The following FOXN3 variants were observed in gnomAD, a reference collection of about 807,000 sequenced individuals.
FOXN3 encodes forkhead box protein N3.
Under a neutral mutation model 38.4 loss-of-function variants are expected in FOXN3, and 7 were observed. That is an observed-to-expected ratio of 0.18 (90% CI 0.10 to 0.34). FOXN3 has a LOEUF of 0.34. Among genes scored for constraint, FOXN3 ranks in the 10% least tolerant of loss-of-function variants. FOXN3 has a pLI of 1.00. For synonymous variants in FOXN3, 230 were observed against 242.2 expected (o/e 0.95, Z 0.47); for missense variants, 456 against 613.4 (o/e 0.74, Z 2.71).
intron 4 of FOXN3, among the ~76,000 whole-genome samples, chr14:89,204,100 C>CT (rs1888314610): frequency 2.3e-5 from 3 of 129,368 alleles, no homozygotes; most frequent in African/African-American, 6.2e-5. Context: ...CACACACACA[C>CT]ACAACTACTA....
intron 3 of FOXN3, among the ~76,000 whole-genome samples, chr14:89,295,260 A>T (rs1287583271): frequency 2.0e-5 from 3 of 152,166 alleles, no homozygotes; most frequent in Non-Finnish European, 4.4e-5. Flanking sequence ...AGGACACCTT[A>T]TCTGGTCACT....
At chr14:89,189,633 T>C (rs2139806543) in intron 4 of FOXN3, among the ~76,000 whole-genome samples, 1 of 152,340 alleles carries the variant, frequency 6.6e-6, no homozygotes, top group South Asian at 2.1e-4. Flanking sequence ...GACAGATATC[T>C]TTGTTTGAAG....
intron 4 of FOXN3, among the ~76,000 whole-genome samples, chr14:89,205,509 G>A (rs564294434): frequency 3.9e-5 from 6 of 152,202 alleles, no homozygotes; most frequent in South Asian, 2.1e-4. Flanking sequence ...AGGCACTGAC[G>A]TAAGCGGCTG....
At chr14:89,328,574 A>C (rs1203041039) in intron 3 of FOXN3, among the ~76,000 whole-genome samples, 29 of 149,760 alleles carry the variant, frequency 1.9e-4, no homozygotes, top group Admixed American at 1.9e-3. Context: ...CACCAGCAGC[A>C]CTGGATGAAT....
In FOXN3 at chr14:89,268,955, A is replaced by G. The variant is rs146158251; in HGVS notation, c.745+11995T>C. On this transcript the variant is annotated intron_variant, in intron 4 of 5. Coordinates refer to ENST00000557258, the MANE Select transcript of FOXN3 (RefSeq NM_005197.4). Reference sequence around the variant, plus strand: ...TTCCAGGCCATGCATGGCAAAACACAGAGACAAAAGTCTCCCAGAGCCTGA... The same window carrying G: ...TTCCAGGCCATGCATGGCAAAACACGGAGACAAAAGTCTCCCAGAGCCTGA... 4.7e-3 allele frequency among the ~76,000 whole-genome samples: 718 copies of G among 152,338 alleles called. 4 individuals carry two copies. Among genetic ancestry groups the G allele is most frequent in the African/African-American group, 0.016 (660 of 41,570 alleles).
chr14:89,195,734 A>G (rs532412701), intron 4 of FOXN3, among the ~76,000 whole-genome samples: 241 of 152,280 alleles, frequency 1.6e-3, no homozygotes, highest in African/African-American at 5.7e-3. Context: ...ACTTGGCAGG[A>G]GTGCTTCACG....
chr14:89,408,697 G>A (rs1050329000), intron 2 of FOXN3, among the ~76,000 whole-genome samples: 3 of 151,540 alleles, frequency 2.0e-5, no homozygotes, highest in Non-Finnish European at 4.4e-5. Context: ...TCACTGCTAC[G>A]TCAAGCCTAA....
At chr14:89,291,364 C>T (rs1173025758) in intron 3 of FOXN3, 2 of 585,922 alleles carry the variant, frequency 3.4e-6, no homozygotes, top group Non-Finnish European at 6.7e-6. Context: ...CCTGTAACAC[C>T]CTTTCTGCAT....
intron 4 of FOXN3, among the ~76,000 whole-genome samples, chr14:89,249,042 C>T (rs1157336977): frequency 6.6e-6 from 1 of 152,208 alleles, no homozygotes; most frequent in African/African-American, 2.4e-5. Context: ...TGCCAAACAT[C>T]ATTCCTGGGT....
At chr14:89,510,476 A>G (rs1357072399) in intron 1 of FOXN3, among the ~76,000 whole-genome samples, 2 of 152,100 alleles carry the variant, frequency 1.3e-5, no homozygotes, top group Non-Finnish European at 2.9e-5. Context: ...CAGCTCCAGG[A>G]CCCAAGCTGC....
chr14:89,192,275 C>T (rs954076130), intron 4 of FOXN3, among the ~76,000 whole-genome samples: 3 of 144,534 alleles, frequency 2.1e-5, no homozygotes, highest in Non-Finnish European at 3.0e-5. Context: ...ATATTAAGTA[C>T]TTATATATAC....
chr14:89,490,982 GT>G (rs200168741), intron 1 of FOXN3, among the ~76,000 whole-genome samples: 1 of 150,596 alleles, frequency 6.6e-6, no homozygotes, highest in Non-Finnish European at 1.5e-5. Context: ...AATCATTTTT[GT>G]TTTTTTTTGA....
chr14:89,445,008 A>G (rs1301204240), intron 1 of FOXN3, among the ~76,000 whole-genome samples: 1 of 152,102 alleles, frequency 6.6e-6, no homozygotes, highest in African/African-American at 2.4e-5. Context: ...CTGTGATCCC[A>G]GCTACTCAGA....
intron 4 of FOXN3, among the ~76,000 whole-genome samples, chr14:89,207,907 G>T (rs909341506): frequency 1.3e-4 from 20 of 152,000 alleles, no homozygotes; most frequent in African/African-American, 4.4e-4. Context: ...ACTATAATCA[G>T]TGTTAAACAG....
chr14:89,212,747 A>T (rs1316496190), intron 4 of FOXN3, among the ~76,000 whole-genome samples: 1 of 151,902 alleles, frequency 6.6e-6, no homozygotes, highest in Non-Finnish European at 1.5e-5. Flanking sequence ...ACTACTTATC[A>T]CTTCTGTATC....
At chr14:89,193,270 T>A (rs1173081162) in intron 4 of FOXN3, among the ~76,000 whole-genome samples, 1 of 152,060 alleles carries the variant, frequency 6.6e-6, no homozygotes, top group Non-Finnish European at 1.5e-5. Context: ...GGAGGAAGTC[T>A]GGAGTCTTTT....
At chr14:89,467,828 T>TTG (rs1555355567) in intron 1 of FOXN3, among the ~76,000 whole-genome samples, 1,543 of 125,216 alleles carry the variant, frequency 0.012, 13 homozygotes, top group Non-Finnish European at 0.022. Flanking sequence ...TTTTTTTTTT[T>TTG]GGGTAGAGAT....
chr14:89,301,773 A>T (rs909396043), intron 3 of FOXN3, among the ~76,000 whole-genome samples: 1 of 150,448 alleles, frequency 6.6e-6, no homozygotes, highest in Non-Finnish European at 1.5e-5. Context: ...GTCTCAAAAT[A>T]AAAAAAAAAT....
rs1160509613 is a variant in FOXN3, at chr14:89,159,926, G to GT, written c.*2487dup. The GT allele has an allele frequency of 2.0e-5, 3 of 152,224 alleles. No homozygotes were observed. Among genetic ancestry groups the GT allele is most frequent in the Non-Finnish European group, 4.4e-5 (3 of 68,058 alleles). The allele number at this position is 152,224 out of a possible 1,614,324, so 9.4% of individuals were successfully genotyped here. A position where few individuals can be genotyped will look rare whatever the true frequency, so the allele number is the denominator to read the frequency against. On this transcript the variant is annotated 3_prime_UTR_variant, in exon 6 of 6. Coordinates refer to ENST00000557258, the MANE Select transcript of FOXN3 (RefSeq NM_005197.4). Reference sequence around the variant, plus strand: ...CATGAATTCGACCTGCTGTAGAGGTGTAGGTTTTTTCAGGTTCTCTCATCA... The same window carrying GT: ...CATGAATTCGACCTGCTGTAGAGGTGTTAGGTTTTTTCAGGTTCTCTCATCA...
Sources: gnomAD v4.1 joint callset for allele counts (sites outside exome capture counted in the v4.1 genomes callset) on GRCh38, gnomAD v4.1.1 for gene constraint, MANE v1.5 for transcripts, NCBI Gene and HGNC (gene_info 2026-07-23, HGNC 2026-07-21) for gene names.